HIVEP1: variants seen among roughly 807,000 people sequenced by gnomAD.
HIVEP1 encodes the protein zinc finger protein 40.
Under a neutral mutation model 180.0 loss-of-function variants are expected in HIVEP1, and 36 were observed. That is an observed-to-expected ratio of 0.20 (90% confidence interval 0.15 to 0.26). The LOEUF (loss-of-function observed/expected upper bound fraction) is 0.26, where lower values mean the gene tolerates loss of function less well. HIVEP1 is among the 10% of genes least tolerant of loss of function. The pLI, the probability that HIVEP1 is intolerant of heterozygous loss-of-function variation, is 1.00. For missense variants in HIVEP1, 3,143 were observed against 3,268.7 expected, an observed-to-expected ratio of 0.96 and a Z score of 0.94; for synonymous variants, 1,239 against 1,239.0, an observed-to-expected ratio of 1.00 and a Z score of 0.00.
the HIVEP1 span, among the ~76,000 whole-genome samples, chr6:12,206,476 G>T: frequency 0.052 from 7,857 of 152,168 alleles, 447 homozygotes; most frequent in African/African-American, 0.14. Flanking sequence ...GAAAGAGAGA[G>T]ACAGAGAAAG....
the HIVEP1 span, among the ~76,000 whole-genome samples, chr6:12,211,424 A>G: frequency 2.0e-5 from 3 of 148,064 alleles, no homozygotes; most frequent in Non-Finnish European, 4.5e-5. Context: ...AGAAAAAGAA[A>G]AAAGAGTACT....
the HIVEP1 span, among the ~76,000 whole-genome samples, chr6:12,198,923 A>G: frequency 6.6e-6 from 1 of 152,362 alleles, no homozygotes; most frequent in Admixed American, 6.5e-5. Context: ...ACAGAGGCCA[A>G]CGACAGACGC....
At chr6:12,107,636 C>T (rs994001683) in intron 3 of HIVEP1, among the ~76,000 whole-genome samples, 3 of 152,184 alleles carry the variant, frequency 2.0e-5, no homozygotes, top group African/African-American at 4.8e-5. Flanking sequence ...CTCGCTGGCT[C>T]AGGAGTGAAG....
At chr6:12,167,248 T>C (rs1370045714), downstream of HIVEP1, among the ~76,000 whole-genome samples, 1 of 152,086 alleles carries the variant, frequency 6.6e-6, no homozygotes, top group Non-Finnish European at 1.5e-5. Context: ...ATAATCATTA[T>C]TTTTGTTGGA....
intron 7 of HIVEP1, among the ~76,000 whole-genome samples, chr6:12,141,115 G>T (rs1758996525): frequency 1.3e-5 from 2 of 152,160 alleles, no homozygotes; most frequent in Admixed American, 1.3e-4. Flanking sequence ...AGGACAGCCA[G>T]AGAGAAAGGT....
At chr6:12,018,547 A>G (rs1472750151) in intron 2 of HIVEP1, among the ~76,000 whole-genome samples, 1 of 152,246 alleles carries the variant, frequency 6.6e-6, no homozygotes, top group Non-Finnish European at 1.5e-5. Context: ...ACATGTAACT[A>G]TGTACTATGG....
At chr6:12,056,194 A>G (rs1489222049) in intron 2 of HIVEP1, among the ~76,000 whole-genome samples, 1 of 152,196 alleles carries the variant, frequency 6.6e-6, no homozygotes, top group Non-Finnish European at 1.5e-5. Flanking sequence ...TTTGGGATTT[A>G]TTTGGAGGTG....
At chr6:12,047,180 A>C (rs1224660078) in intron 2 of HIVEP1, among the ~76,000 whole-genome samples, 1 of 152,100 alleles carries the variant, frequency 6.6e-6, no homozygotes, top group Non-Finnish European at 1.5e-5. Context: ...TAAAGGCATA[A>C]AATACTATTC....
intron 2 of HIVEP1, among the ~76,000 whole-genome samples, chr6:12,028,412 TACTC>T (rs1350876062): frequency 6.6e-6 from 1 of 152,202 alleles, no homozygotes; most frequent in Admixed American, 6.5e-5. Flanking sequence ...TATAAGGAAA[TACTC>T]AGTTAACATA....
At position 12,163,972 on chromosome 6, in the gene HIVEP1, CTCAG is replaced by C; in HGVS notation, c.7676_7679del (p.Ser2559LysfsTer2). 3 of 1,614,132 alleles carry C rather than the reference CTCAG, an allele frequency of 1.9e-6. No individual in the cohort carries two copies. Among genetic ancestry groups the C allele is most frequent in the Non-Finnish European group, 2.5e-6 (3 of 1,180,022 alleles). ...ACATAGCATTGCCCACCTTAATCCC[CTCAG>C]TCAGTCAAGTAGCCGTTGATGCACA... On this transcript the variant is annotated frameshift_variant, in exon 9 of 9. Coordinates refer to ENST00000379388, the MANE Select transcript of HIVEP1 (RefSeq NM_002114.4). LOFTEE classifies it low-confidence loss of function (END_TRUNC).
At chr6:12,037,683 T>G (rs1410283661) in intron 2 of HIVEP1, 2 of 400,704 alleles carry the variant, frequency 5.0e-6, no homozygotes, top group Non-Finnish European at 8.8e-6. Flanking sequence ...GAATGAAATC[T>G]AAATGATAAT....
At chr6:12,009,120 T>TGGC (rs950139776), upstream of HIVEP1, among the ~76,000 whole-genome samples, 357 of 146,054 alleles carry the variant, frequency 2.4e-3, 2 homozygotes, top group Middle Eastern at 3.4e-3. Flanking sequence ...CGCGTGGCGG[T>TGGC]GGCGGCGGCG....
At chr6:12,025,629 A>G (rs1768530882) in intron 2 of HIVEP1, among the ~76,000 whole-genome samples, 1 of 152,260 alleles carries the variant, frequency 6.6e-6, no homozygotes, top group South Asian at 2.1e-4. Context: ...TCTAAGCAAA[A>G]TAAAGTAGAT....
intron 2 of HIVEP1, among the ~76,000 whole-genome samples, chr6:12,047,360 A>AT (rs2113703866): frequency 6.6e-6 from 1 of 152,310 alleles, no homozygotes; most frequent in African/African-American, 2.4e-5. Flanking sequence ...GACTGGAGAC[A>AT]TTTTGTCAGT....
intron 2 of HIVEP1, among the ~76,000 whole-genome samples, chr6:12,042,065 T>G (rs1769773892): frequency 6.6e-6 from 1 of 151,044 alleles, no homozygotes; most frequent in African/African-American, 2.5e-5. Context: ...TTGTTAATAT[T>G]CGTACGCTTT....
In HIVEP1 at chr6:12,121,068, A is replaced by C. The variant is rs753138437; in HGVS notation, c.1273A>C (p.Ile425Leu). ...AAAGCCTAGTGTGCTTTTAAAGCAT[A>C]TCCGCTCCCACACTGGAGAGCGACC... Reference protein sequence around the residue: ...CAKPSVLLKHIRSHTGERPYP... With the variant: ...CAKPSVLLKHLRSHTGERPYP... The change falls in exon 4 of 9, where the codon ATC (isoleucine) becomes CTC (leucine). Residue 425 changes from isoleucine (I) to leucine (L), a missense_variant. Around this residue, in one of 12 missense-constraint regions of HIVEP1, gnomAD observed 28 missense variants for 73.6 expected, o/e 0.38. Coordinates refer to ENST00000379388, the MANE Select transcript of HIVEP1 (RefSeq NM_002114.4). The surrounding 1 kb of genome is among the most constrained non-coding windows in gnomAD (Gnocchi z 5.3). 154 of 1,614,102 alleles carry C rather than the reference A, an allele frequency of 9.5e-5. No homozygotes were observed. The highest frequency in any genetic ancestry group is 1.3e-4 in the Non-Finnish European group (153 of 1,180,022).
intron 7 of HIVEP1, among the ~76,000 whole-genome samples, chr6:12,148,709 G>A (rs1240281683): frequency 6.6e-6 from 1 of 152,212 alleles, no homozygotes; most frequent in Non-Finnish European, 1.5e-5. Flanking sequence ...GGTTTTGCCA[G>A]CAGTAAGTTT....
At chr6:12,137,240 T>C (rs1330584941) in intron 7 of HIVEP1, among the ~76,000 whole-genome samples, 1 of 152,168 alleles carries the variant, frequency 6.6e-6, no homozygotes, top group African/African-American at 2.4e-5. Context: ...AAAGCTATTA[T>C]TATAGTATAT....
intron 2 of HIVEP1, among the ~76,000 whole-genome samples, chr6:12,020,598 T>C (rs553237993): frequency 2.0e-5 from 3 of 152,290 alleles, no homozygotes; most frequent in East Asian, 3.9e-4. Flanking sequence ...GATAAAGGGC[T>C]CTATTCGTGT....
Sources: gnomAD v4.1 joint callset for allele counts (sites outside exome capture counted in the v4.1 genomes callset) on GRCh38, gnomAD v4.1.1 for gene constraint, gnomAD v4.1.1 regional missense constraint, Gnocchi (gnomAD v3.1) non-coding constraint, MANE v1.5 for transcripts, NCBI Gene and HGNC (gene_info 2026-07-23, HGNC 2026-07-21) for gene names.